Variants in CSMD1 observed in about 807,000 individuals in gnomAD.
CSMD1 encodes CUB and Sushi multiple domains 1.
Under a neutral mutation model 417.5 loss-of-function variants are expected in CSMD1, and 213 were observed. That is an observed-to-expected ratio of 0.51 (90% CI 0.46 to 0.57). CSMD1 has a LOEUF of 0.57. Ranked by LOEUF, CSMD1 falls within the 20% of genes least tolerant of loss-of-function variation. The pLI is 0.00. For synonymous variants in CSMD1, 2,862 were observed against 1,736.8 expected, an observed-to-expected ratio of 1.65 and a Z score of -16.11; for missense variants, 6,923 against 4,529.7, an observed-to-expected ratio of 1.53 and a Z score of -15.17.
At chr8:2,973,716 A>G (rs1251769848) in intron 56 of CSMD1, among the ~76,000 whole-genome samples, 1 of 151,986 alleles carries the variant, frequency 6.6e-6, no homozygotes, top group East Asian at 1.9e-4. Context: ...AATTGTGTCC[A>G]GAGTTGCTGG....
intron 3 of CSMD1, among the ~76,000 whole-genome samples, chr8:4,177,818 T>C (rs984250284): frequency 2.0e-5 from 3 of 151,394 alleles, no homozygotes; most frequent in African/African-American, 7.3e-5. Flanking sequence ...GCAAATAAAC[T>C]AGAAAATCTA....
intron 8 of CSMD1, among the ~76,000 whole-genome samples, chr8:3,610,700 A>G (rs1435487797): frequency 2.0e-5 from 3 of 151,948 alleles, no homozygotes; most frequent in African/African-American, 4.8e-5. Flanking sequence ...TTCTTTCTTC[A>G]TATGTTCTTT....
intron 3 of CSMD1, among the ~76,000 whole-genome samples, chr8:4,266,798 CTT>C (rs1804256693): frequency 9.6e-6 from 1 of 104,076 alleles, no homozygotes; most frequent in Non-Finnish European, 2.6e-5. Flanking sequence ...TAGATGAAAA[CTT>C]AAATAGTGGA....
chr8:4,373,510 A>C (rs1317513215), intron 3 of CSMD1, among the ~76,000 whole-genome samples: 1 of 152,176 alleles, frequency 6.6e-6, no homozygotes, highest in East Asian at 1.9e-4. Context: ...TTAGCAAAAA[A>C]CTTTCAGAAC....
chr8:3,574,857 A>G, intron 10 of CSMD1, 88 bp downstream of exon 10: 1 of 1,433,178 alleles, frequency 7.0e-7, no homozygotes, highest in East Asian at 2.3e-5. Context: ...GTAAGCACGG[A>G]TAGCATTTGC....
chr8:4,655,508 T>A (rs1375778043), intron 1 of CSMD1, among the ~76,000 whole-genome samples: 1 of 152,196 alleles, frequency 6.6e-6, no homozygotes, highest in Admixed American at 6.5e-5. Context: ...GATCAGAATT[T>A]AAGAGGATCT....
intron 3 of CSMD1, among the ~76,000 whole-genome samples, chr8:4,159,536 A>T (rs1226467353): frequency 6.6e-6 from 1 of 152,230 alleles, no homozygotes; most frequent in Non-Finnish European, 1.5e-5. Context: ...CCACTCAGCC[A>T]TAAAAAGCAA....
intron 3 of CSMD1, among the ~76,000 whole-genome samples, chr8:4,047,398 A>T (rs2130671647): frequency 6.6e-6 from 1 of 152,300 alleles, no homozygotes. Flanking sequence ...AACTCAGGAA[A>T]TATTGCGGAA....
At chr8:4,422,611 C>A (rs931589865) in intron 2 of CSMD1, among the ~76,000 whole-genome samples, 7 of 152,052 alleles carry the variant, frequency 4.6e-5, no homozygotes, top group African/African-American at 1.7e-4. Context: ...CTCAGACTTT[C>A]AGACTCCAGA....
At chr8:4,965,219 T>G (rs886330831) in intron 1 of CSMD1, among the ~76,000 whole-genome samples, 1 of 152,198 alleles carries the variant, frequency 6.6e-6, no homozygotes, top group African/African-American at 2.4e-5. Flanking sequence ...ATATAAGGAT[T>G]TTAACACATT....
chr8:4,624,505 C>T (rs1359098575), intron 2 of CSMD1, among the ~76,000 whole-genome samples: 3 of 152,114 alleles, frequency 2.0e-5, no homozygotes, highest in Admixed American at 6.6e-5. Context: ...AGCGCTGCTA[C>T]ACAGGTGCAT....
rs575014301 is a variant in CSMD1, at chr8:4,208,228, G to C, written c.416-176129C>G. ...ACAGATATTTCTTCTTGCTTTGAAAGGTAACTGCTCCTGTTATAATTGCCT... is the reference window on the plus strand; with the variant it reads ...ACAGATATTTCTTCTTGCTTTGAAACGTAACTGCTCCTGTTATAATTGCCT... On this transcript the variant is annotated intron_variant, in intron 3 of 69. Coordinates refer to ENST00000635120, the MANE Select transcript of CSMD1 (RefSeq NM_033225.6). 1.4e-4 allele frequency among the ~76,000 whole-genome samples: 21 copies of C among 152,194 alleles called. No individual in the cohort carries two copies. In the South Asian group the frequency reaches 4.1e-3, roughly 30 times the overall value.
rs569534951 is a variant in CSMD1 at position 3,146,158 on chromosome 8, G to A, written c.6032-3484C>T. Among the ~76,000 whole-genome samples, 9 of 152,274 alleles carry A rather than the reference G, an allele frequency of 5.9e-5. No individual in the cohort carries two copies. In the South Asian group the frequency reaches 1.9e-3, roughly 32 times the overall value. The stretch of plus-strand genomic sequence containing the variant: ...ATGGTAATTTTGGAGAGCATTGTGT[G>A]CACTATTAGTGCAGTAGATTTTAAG... On this transcript the variant is annotated intron_variant, in intron 40 of 69. Coordinates refer to ENST00000635120, the MANE Select transcript of CSMD1 (RefSeq NM_033225.6).
At chr8:4,332,437 T>G (rs796173054) in intron 3 of CSMD1, among the ~76,000 whole-genome samples, 14 of 152,180 alleles carry the variant, frequency 9.2e-5, no homozygotes, top group African/African-American at 3.4e-4. Context: ...GAGTAAGCAC[T>G]GAGTAGGTAA....
chr8:3,773,097 C>T (rs527733772), intron 5 of CSMD1, among the ~76,000 whole-genome samples: 16 of 152,240 alleles, frequency 1.1e-4, no homozygotes, highest in African/African-American at 2.4e-4. Flanking sequence ...ATCACACTCA[C>T]GAGGGCTCTG....
intron 57 of CSMD1, among the ~76,000 whole-genome samples, chr8:2,967,504 G>A (rs570698531): frequency 2.6e-5 from 4 of 151,464 alleles, no homozygotes; most frequent in South Asian, 2.1e-4. Context: ...CGCTGGGTAC[G>A]TTTCAGGGTG....
chr8:4,438,921 C>T (rs1798304438), intron 2 of CSMD1, among the ~76,000 whole-genome samples: 1 of 152,206 alleles, frequency 6.6e-6, no homozygotes, highest in Non-Finnish European at 1.5e-5. Flanking sequence ...GCATAAGTAA[C>T]AATATATGGT....
At chr8:4,965,379 C>A (rs968088925) in intron 1 of CSMD1, among the ~76,000 whole-genome samples, 1 of 152,180 alleles carries the variant, frequency 6.6e-6, no homozygotes, top group African/African-American at 2.4e-5. Context: ...CAAGGTCCCC[C>A]TATCTGAATA....
rs142433702 is a variant in CSMD1 at position 4,591,215 on chromosome 8, A to C, written c.302+46127T>G. Among the ~76,000 whole-genome samples, 4 of 152,346 alleles carry C rather than the reference A, an allele frequency of 2.6e-5. No homozygotes were observed. The East Asian group carries it at 7.7e-4, about 29-fold the overall frequency. On this transcript the variant is annotated intron_variant, in intron 2 of 69. Coordinates refer to ENST00000635120, the MANE Select transcript of CSMD1 (RefSeq NM_033225.6). ...ATTGGCTGAGTAAAGATGAAGATGA[A>C]ATAAGCAATGATCTCTAATATGAAG...
Sources: gnomAD v4.1 joint callset for allele counts (sites outside exome capture counted in the v4.1 genomes callset) on GRCh38, gnomAD v4.1.1 for gene constraint, MANE v1.5 for transcripts, NCBI Gene and HGNC (gene_info 2026-07-23, HGNC 2026-07-21) for gene names.